The following SMAP1 variants were observed in gnomAD, a reference collection of about 807,000 sequenced individuals.
SMAP1 encodes the protein stromal membrane-associated protein 1.
A neutral mutation model predicts 58.5 loss-of-function variants in SMAP1; 24 were observed. The observed-to-expected ratio is 0.41, with a 90% CI of 0.30 to 0.58. The LOEUF is 0.58. SMAP1 is among the 20% of genes least tolerant of loss of function. The pLI, the probability that SMAP1 is intolerant of heterozygous loss-of-function variation, is 0.29. For synonymous variants in SMAP1, 216 were observed against 196.6 expected (o/e 1.10, Z -0.82); for missense variants, 563 against 566.3 (o/e 0.99, Z 0.06).
chr6:70,743,849 A>G (rs1765911061), intron 2 of SMAP1, among the ~76,000 whole-genome samples: 1 of 152,190 alleles, frequency 6.6e-6, no homozygotes, highest in Admixed American at 6.5e-5. Context: ...ATTGAGGTAA[A>G]GAAAGAAAGT....
intron 3 of SMAP1, among the ~76,000 whole-genome samples, chr6:70,758,522 AAAAT>A (rs896543413): frequency 3.1e-4 from 47 of 152,224 alleles, no homozygotes; most frequent in Middle Eastern, 3.4e-3. Context: ...AAGTATAATA[AAAAT>A]AAATAAATAA....
intron 1 of SMAP1, among the ~76,000 whole-genome samples, chr6:70,698,686 C>A (rs2149825851): frequency 6.6e-6 from 1 of 152,272 alleles, no homozygotes; most frequent in African/African-American, 2.4e-5. Flanking sequence ...GACTCTGACG[C>A]ATTCTTCAGT....
At chr6:70,764,490 T>C (rs1448086824) in intron 3 of SMAP1, among the ~76,000 whole-genome samples, 1 of 152,176 alleles carries the variant, frequency 6.6e-6, no homozygotes, top group Non-Finnish European at 1.5e-5. Context: ...AGCTAATGTT[T>C]ATTTACTATT....
chr6:70,736,262 T>C (rs988335829), intron 2 of SMAP1, among the ~76,000 whole-genome samples: 3 of 152,236 alleles, frequency 2.0e-5, no homozygotes, highest in Non-Finnish European at 4.4e-5. Context: ...AAAAAAGTCT[T>C]AAAAGTTCTT....
intron 1 of SMAP1, among the ~76,000 whole-genome samples, chr6:70,713,528 A>G (rs972002134): frequency 2.6e-5 from 4 of 152,106 alleles, no homozygotes; most frequent in Admixed American, 6.5e-5. Context: ...TGGTTGTTCA[A>G]TAGTGCGTTA....
intron 2 of SMAP1, among the ~76,000 whole-genome samples, chr6:70,737,096 CTTTTG>C (rs1356445334): frequency 6.6e-6 from 1 of 152,080 alleles, no homozygotes; most frequent in African/African-American, 2.4e-5. Context: ...ATAGTGTGTT[CTTTTG>C]TTTTGTTTTG....
At chr6:70,771,288 G>A (rs1051140086) in intron 3 of SMAP1, among the ~76,000 whole-genome samples, 3 of 152,218 alleles carry the variant, frequency 2.0e-5, no homozygotes, top group African/African-American at 7.2e-5. Context: ...AAAGCTGTCA[G>A]ACAGGGATGT....
chr6:70,701,701 TTCTC>T (rs1420340006), intron 1 of SMAP1, among the ~76,000 whole-genome samples: 1 of 152,186 alleles, frequency 6.6e-6, no homozygotes, highest in Non-Finnish European at 1.5e-5. Context: ...CAAGCACACA[TTCTC>T]TCTCTGTCAT....
At chr6:70,769,939 G>A (rs1042008846) in intron 3 of SMAP1, among the ~76,000 whole-genome samples, 2 of 151,486 alleles carry the variant, frequency 1.3e-5, no homozygotes, top group African/African-American at 2.4e-5. Flanking sequence ...CTCTCTTAGG[G>A]CAGGCCTGGT....
intron 3 of SMAP1, among the ~76,000 whole-genome samples, chr6:70,762,277 C>T (rs1354970486): frequency 6.6e-6 from 1 of 152,016 alleles, no homozygotes; most frequent in Non-Finnish European, 1.5e-5. Flanking sequence ...TTTATTAGAA[C>T]CCAGCCATGT....
At chr6:70,801,367 T>G (rs1035578295) in intron 6 of SMAP1, among the ~76,000 whole-genome samples, 7 of 152,222 alleles carry the variant, frequency 4.6e-5, no homozygotes, top group Non-Finnish European at 8.8e-5. Flanking sequence ...GATGTGGTTT[T>G]TTTTTCTTGT....
intron 6 of SMAP1, among the ~76,000 whole-genome samples, chr6:70,803,312 G>T (rs909981775): frequency 6.6e-5 from 10 of 152,242 alleles, no homozygotes; most frequent in African/African-American, 2.4e-4. Flanking sequence ...ATTCTCTGAT[G>T]GTAGTTTGTA....
chr6:70,755,749 T>C (rs1392137613), intron 3 of SMAP1, among the ~76,000 whole-genome samples: 1 of 152,044 alleles, frequency 6.6e-6, no homozygotes, highest in African/African-American at 2.4e-5. Context: ...TTTATTATTT[T>C]AGACTGTTAC....
At chr6:70,751,477 A>G (rs1419051116) in intron 2 of SMAP1, among the ~76,000 whole-genome samples, 1 of 152,282 alleles carries the variant, frequency 6.6e-6, no homozygotes, top group East Asian at 1.9e-4. Flanking sequence ...ATGAGTAAAT[A>G]AATGTCTACT....
At chr6:70,847,265 A>ATG (rs1472504315) in intron 7 of SMAP1, among the ~76,000 whole-genome samples, 7 of 152,150 alleles carry the variant, frequency 4.6e-5, no homozygotes. Context: ...ACCTCTTTCT[A>ATG]ACATCTCTCA....
intron 1 of SMAP1, among the ~76,000 whole-genome samples, chr6:70,712,277 A>G (rs1248573859): frequency 6.6e-6 from 1 of 152,216 alleles, no homozygotes; most frequent in Non-Finnish European, 1.5e-5. Context: ...ATCCCAGAGG[A>G]AAATCCCACT....
chr6:70,788,135 T>C (rs1768153295), intron 4 of SMAP1, among the ~76,000 whole-genome samples: 1 of 150,990 alleles, frequency 6.6e-6, no homozygotes, highest in South Asian at 2.1e-4. Context: ...AAATGATGAG[T>C]TCATGTCCTT....
intron 6 of SMAP1, among the ~76,000 whole-genome samples, chr6:70,813,386 C>T (rs958061878): frequency 6.6e-6 from 1 of 151,874 alleles, no homozygotes; most frequent in Non-Finnish European, 1.5e-5. Flanking sequence ...ATAAAATAGG[C>T]TTAAGTTATA....
chr6:70,774,137 G>A (rs1390119800), intron 4 of SMAP1, among the ~76,000 whole-genome samples: 1 of 152,142 alleles, frequency 6.6e-6, no homozygotes, highest in Non-Finnish European at 1.5e-5. Flanking sequence ...ACCTAAGTAT[G>A]TAGTAGGTTG....
Sources: gnomAD v4.1 joint callset for allele counts (sites outside exome capture counted in the v4.1 genomes callset) on GRCh38, gnomAD v4.1.1 for gene constraint, MANE v1.5 for transcripts, NCBI Gene and HGNC (gene_info 2026-07-23, HGNC 2026-07-21) for gene names.